Variants in PCDHGA3 observed in about 807,000 individuals in gnomAD.
The protein encoded by PCDHGA3 is protocadherin gamma subfamily A, 3.
Under a neutral mutation model 58.5 loss-of-function variants are expected in PCDHGA3, and 40 were observed. That is an observed-to-expected ratio of 0.68 (90% confidence interval 0.53 to 0.89). PCDHGA3 has a LOEUF of 0.89. Among genes scored for constraint, PCDHGA3 ranks in the 40% least tolerant of loss-of-function variants. The pLI is 0.00. For missense variants in PCDHGA3, 1,223 were observed against 1,195.9 expected (o/e 1.02, Z -0.33); for synonymous variants, 530 against 525.7 (o/e 1.01, Z -0.11).
intron 1 of PCDHGA3, chr5:141,415,974 CAA>C (rs1192315813): frequency 2.7e-6 from 1 of 375,644 alleles, no homozygotes; most frequent in Non-Finnish European, 4.4e-6. Context: ...GCCCCTTAAG[CAA>C]CCCTCTTGTT....
intron 2 of PCDHGA3, among the ~76,000 whole-genome samples, chr5:141,500,410 C>G (rs2099800033): frequency 6.6e-6 from 1 of 151,774 alleles, no homozygotes; most frequent in Non-Finnish European, 1.5e-5. Flanking sequence ...GGGGTTTCAC[C>G]GTGTTAGCCA....
intron 1 of PCDHGA3, chr5:141,400,290 C>G (rs1455484413): frequency 3.1e-6 from 5 of 1,613,972 alleles, no homozygotes; most frequent in Non-Finnish European, 3.4e-6. Context: ...CCGCCTGGAG[C>G]TGCTTCCAAC....
At chr5:141,411,890 G>T (rs2095521758) in intron 1 of PCDHGA3, 1 of 152,148 alleles carries the variant, frequency 6.6e-6, no homozygotes, top group South Asian at 2.1e-4. Context: ...AGAAATAAAT[G>T]AAATACTATT....
intron 1 of PCDHGA3, chr5:141,403,954 C>A: frequency 6.2e-7 from 1 of 1,613,800 alleles, no homozygotes; most frequent in Non-Finnish European, 8.5e-7. Flanking sequence ...CAAAAGTGCT[C>A]ATTTCGGTGG....
At chr5:141,366,782 G>T in intron 1 of PCDHGA3, 4 of 1,580,298 alleles carry the variant, frequency 2.5e-6, no homozygotes, top group South Asian at 1.2e-5. Flanking sequence ...AGGATGACCA[G>T]AACATTTTCA....
At chr5:141,488,198 GGACTC>G in intron 1 of PCDHGA3, among the ~76,000 whole-genome samples, 1 of 152,166 alleles carries the variant, frequency 6.6e-6, no homozygotes, top group Non-Finnish European at 1.5e-5. Context: ...CTGGGTCTTA[GGACTC>G]ATATCAAGTC....
At chr5:141,502,862 C>CTTTT (rs2154593209) in intron 2 of PCDHGA3, among the ~76,000 whole-genome samples, 1 of 68,550 alleles carries the variant, frequency 1.5e-5, no homozygotes, top group African/African-American at 9.9e-5. Flanking sequence ...CCCTGACTCT[C>CTTTT]TGTCTTTTTT....
chr5:141,399,009 C>A (rs759328384), intron 1 of PCDHGA3: 1 of 1,613,812 alleles, frequency 6.2e-7, no homozygotes, highest in African/African-American at 1.3e-5. Context: ...ATTCAAAGAG[C>A]GGAGAAATTA....
intron 1 of PCDHGA3, chr5:141,371,724 G>A (rs747047802): frequency 1.2e-6 from 2 of 1,614,056 alleles, no homozygotes; most frequent in South Asian, 2.2e-5. Flanking sequence ...GCACATCCTT[G>A]ATGTCAACGA....
Position 141,487,494 on chromosome 5 carries a change from C to A in PCDHGA3, c.2425-7313C>A, listed in dbSNP as rs116370895. On this transcript the variant is annotated intron_variant, in intron 1 of 3. Transcript: ENST00000253812. The surrounding 1 kb of genome is among the most constrained non-coding windows in gnomAD (Gnocchi z 5.0). The stretch of plus-strand genomic sequence containing the variant: ...GGAGGCCACTCTCATGGCTGTACAC[C>A]CTTGGCTTCTGCACCCACTCGGAGT... 1,421 of 1,614,120 alleles carry A rather than the reference C, an allele frequency of 8.8e-4. 3 individuals are homozygous for A. Among genetic ancestry groups the A allele is most frequent in the Non-Finnish European group, 1.2e-3 (1,358 of 1,180,034 alleles).
intron 1 of PCDHGA3, among the ~76,000 whole-genome samples, chr5:141,407,024 A>G (rs909800590): frequency 6.6e-6 from 1 of 152,232 alleles, no homozygotes; most frequent in Non-Finnish European, 1.5e-5. Context: ...TCAAAATTCT[A>G]TGCTAAACAT....
chr5:141,389,048 T>C, intron 1 of PCDHGA3: 1 of 1,613,976 alleles, frequency 6.2e-7, no homozygotes, highest in East Asian at 2.2e-5. Context: ...AAGGTGATGT[T>C]CCATTTAAAA....
intron 1 of PCDHGA3, among the ~76,000 whole-genome samples, chr5:141,447,082 T>A (rs1259827606): frequency 6.6e-6 from 1 of 152,156 alleles, no homozygotes; most frequent in Non-Finnish European, 1.5e-5. Flanking sequence ...ATTTTTGTTG[T>A]TTAATTTTCT....
chr5:141,365,028 T>G, intron 1 of PCDHGA3: 1 of 1,613,890 alleles, frequency 6.2e-7, no homozygotes, highest in Non-Finnish European at 8.5e-7. Flanking sequence ...GTTACGGTCC[T>G]CGACGCAAAC....
intron 1 of PCDHGA3, among the ~76,000 whole-genome samples, chr5:141,450,776 C>T (rs757791026): frequency 4.0e-5 from 6 of 151,440 alleles, no homozygotes; most frequent in Non-Finnish European, 8.8e-5. Context: ...CATGAGCCAC[C>T]GTGCCCGGAC....
chr5:141,415,465 A>G (rs751798354), intron 1 of PCDHGA3: 19 of 1,613,976 alleles, frequency 1.2e-5, no homozygotes, highest in Non-Finnish European at 1.5e-5. Context: ...GGTCTCTCTC[A>G]CCGCGGACTC....
intron 1 of PCDHGA3, chr5:141,356,210 T>C (rs1037519261): frequency 6.2e-7 from 1 of 1,605,038 alleles, no homozygotes; most frequent in Non-Finnish European, 8.5e-7. Context: ...CTGGTGACAG[T>C]TCTGGATGAA....
At chr5:141,389,609 G>A (rs1188923316) in intron 1 of PCDHGA3, 3 of 1,612,966 alleles carry the variant, frequency 1.9e-6, no homozygotes, top group South Asian at 2.2e-5. Flanking sequence ...TCTTCGATAT[G>A]GTGCCGCACG....
At chr5:141,410,337 C>T (rs1196366344) in intron 1 of PCDHGA3, 1 of 1,613,930 alleles carries the variant, frequency 6.2e-7, no homozygotes, top group Non-Finnish European at 8.5e-7. Context: ...CTGGCCATTG[C>T]CTTGCGCCTG....
Sources: allele counts gnomAD v4.1 joint callset (sites outside exome capture counted in the v4.1 genomes callset), GRCh38; gene constraint gnomAD v4.1.1; non-coding constraint Gnocchi (gnomAD v3.1); transcripts MANE v1.5; gene names NCBI Gene and HGNC (gene_info 2026-07-23, HGNC 2026-07-21).